The following PIK3C2G variants were observed in gnomAD, a reference collection of about 807,000 sequenced individuals.
The protein encoded by PIK3C2G is phosphatidylinositol 3-kinase C2 domain-containing subunit gamma.
In PIK3C2G, 168 loss-of-function variants were observed where a neutral mutation model predicts 181.1. The ratio of observed to expected loss-of-function variants is 0.93; its 90% CI spans 0.82 to 1.05. PIK3C2G has a LOEUF of 1.05. Among genes scored for constraint, PIK3C2G ranks in the 50% least tolerant of loss-of-function variants. The pLI is 0.00. For synonymous variants in PIK3C2G, 573 were observed against 592.2 expected (o/e 0.97, Z 0.47); for missense variants, 1,869 against 1,732.8 (o/e 1.08, Z -1.40).
chr12:18,578,120 TC>T (rs1391097508), intron 29 of PIK3C2G, among the ~76,000 whole-genome samples: 2 of 152,304 alleles, frequency 1.3e-5, no homozygotes, highest in African/African-American at 4.8e-5. Flanking sequence ...TAGGTATCTG[TC>T]TTGCATTTCA....
chr12:18,697,442 C>T, the PIK3C2G span, among the ~76,000 whole-genome samples: 1 of 152,138 alleles, frequency 6.6e-6, no homozygotes, highest in Non-Finnish European at 1.5e-5. Context: ...AACACATACT[C>T]TTCTGAGTCT....
At chr12:18,469,992 T>C (rs1383498338) in intron 18 of PIK3C2G, among the ~76,000 whole-genome samples, 2 of 151,860 alleles carry the variant, frequency 1.3e-5, no homozygotes, top group Non-Finnish European at 2.9e-5. Context: ...TTTAGAGTCA[T>C]ATCTAAAGTT....
chr12:18,617,070 C>G (rs926239487), intron 31 of PIK3C2G, among the ~76,000 whole-genome samples: 1 of 152,076 alleles, frequency 6.6e-6, no homozygotes, highest in East Asian at 1.9e-4. Context: ...TATCTCATCC[C>G]TTTAGCTTAC....
At chr12:18,345,997 T>C (rs998041561) in intron 10 of PIK3C2G, among the ~76,000 whole-genome samples, 1 of 152,180 alleles carries the variant, frequency 6.6e-6, no homozygotes, top group African/African-American at 2.4e-5. Flanking sequence ...TTTTCATTTT[T>C]CTTCTTTCAT....
intron 12 of PIK3C2G, among the ~76,000 whole-genome samples, chr12:18,365,789 GAATCAATAT>G (rs1382276483): frequency 1.3e-5 from 2 of 152,120 alleles, no homozygotes; most frequent in African/African-American, 4.8e-5. Context: ...CACACTTAGA[GAATCAATAT>G]ATCCTAAACT....
chr12:18,610,301 G>A (rs1226549191), intron 31 of PIK3C2G, among the ~76,000 whole-genome samples: 1 of 152,036 alleles, frequency 6.6e-6, no homozygotes, highest in African/African-American at 2.4e-5. Flanking sequence ...AACTTCCCAG[G>A]AGACTATATC....
chr12:18,671,004 CCT>C, the PIK3C2G span, among the ~76,000 whole-genome samples: 1 of 151,638 alleles, frequency 6.6e-6, no homozygotes, highest in Non-Finnish European at 1.5e-5. Context: ...ATGGTGAAAC[CCT>C]GTCTCCACTA....
intron 29 of PIK3C2G, among the ~76,000 whole-genome samples, chr12:18,591,548 A>G (rs1947080658): frequency 6.6e-6 from 1 of 151,814 alleles, no homozygotes; most frequent in South Asian, 2.1e-4. Flanking sequence ...AGGAAGTGAG[A>G]GACCATGACA....
intron 31 of PIK3C2G, among the ~76,000 whole-genome samples, chr12:18,630,138 G>A (rs937009049): frequency 6.6e-6 from 1 of 152,062 alleles, no homozygotes; most frequent in African/African-American, 2.4e-5. Flanking sequence ...GGGGCCAGGT[G>A]CGGTGGCTCA....
At chr12:18,553,697 C>T (rs369713830) in intron 26 of PIK3C2G, among the ~76,000 whole-genome samples, 1 of 152,036 alleles carries the variant, frequency 6.6e-6, no homozygotes, top group Non-Finnish European at 1.5e-5. Flanking sequence ...AGAAAATAAA[C>T]ACTAAAGATG....
At chr12:18,520,323 G>A (rs1389161009) in intron 24 of PIK3C2G, among the ~76,000 whole-genome samples, 1 of 152,020 alleles carries the variant, frequency 6.6e-6, no homozygotes, top group African/African-American at 2.4e-5. Context: ...TTCCAACTTA[G>A]TTCCATTCTC....
At chr12:18,564,947 ATCTATCTCAATTGGCC>A (rs1339819029) in intron 28 of PIK3C2G, among the ~76,000 whole-genome samples, 1 of 152,158 alleles carries the variant, frequency 6.6e-6, no homozygotes, top group East Asian at 1.9e-4. Flanking sequence ...AATTCTAATA[ATCTATCTCAATTGGCC>A]TCTTTTCAGT....
the PIK3C2G span, among the ~76,000 whole-genome samples, chr12:18,656,673 A>T: frequency 6.6e-6 from 1 of 151,894 alleles, no homozygotes; most frequent in East Asian, 1.9e-4. Context: ...AGTTCAAGTT[A>T]GCAGTGAGCT....
chr12:18,547,447 G>T (rs888524849), intron 26 of PIK3C2G, among the ~76,000 whole-genome samples: 1 of 151,940 alleles, frequency 6.6e-6, no homozygotes, highest in Admixed American at 6.6e-5. Context: ...AAATATTACA[G>T]CTGGAAGAGC....
chr12:18,358,645 T>A (rs1592054559), intron 11 of PIK3C2G: 1 of 490,508 alleles, frequency 2.0e-6, no homozygotes, highest in Non-Finnish European at 4.1e-6. Context: ...TATCCTCAGC[T>A]GGTCAGCATC....
rs116748141 is a variant in PIK3C2G, at chr12:18,439,157, T to C, written c.2504+15118T>C. 7.0e-3 allele frequency among the ~76,000 whole-genome samples: 1,064 copies of C among 151,978 alleles called. 5 individuals carry two copies. Among genetic ancestry groups the C allele is most frequent in the African/African-American group, 0.019 (779 of 41,534 alleles). ...ATGAGTAAAAGGAGTAGTAGAAAAA[T>C]CACTGTATAAACAAACCAGTTTATG... On this transcript the variant is annotated intron_variant, in intron 18 of 32. Coordinates refer to ENST00000538779, the MANE Select transcript of PIK3C2G (RefSeq NM_001288772.2).
the PIK3C2G span, chr12:18,723,635 A>T: frequency 1.0e-6 from 1 of 977,814 alleles, no homozygotes; most frequent in Non-Finnish European, 1.6e-6. Context: ...AGTAATTTAT[A>T]CTTGAAAGAA....
chr12:18,628,785 C>T (rs997252010), intron 31 of PIK3C2G, among the ~76,000 whole-genome samples: 6 of 152,028 alleles, frequency 3.9e-5, no homozygotes, highest in Non-Finnish European at 8.8e-5. Context: ...TATCAAGTGT[C>T]CCTGAAATCT....
intron 30 of PIK3C2G, among the ~76,000 whole-genome samples, chr12:18,607,566 C>T (rs1264294470): frequency 1.3e-5 from 2 of 152,168 alleles, no homozygotes. Context: ...GGATTAAAGA[C>T]TTAAATGTTA....
Sources: allele counts gnomAD v4.1 joint callset (sites outside exome capture counted in the v4.1 genomes callset), GRCh38; gene constraint gnomAD v4.1.1; transcripts MANE v1.5; gene names NCBI Gene and HGNC (gene_info 2026-07-23, HGNC 2026-07-21).